Variants in RCC1L observed in about 807,000 individuals in gnomAD.
RCC1L encodes RCC1 like, also known as RCC1-like G exchanging factor-like protein.
A neutral mutation model predicts 58.6 loss-of-function variants in RCC1L; 46 were observed. The ratio of observed to expected loss-of-function variants is 0.79; its 90% CI spans 0.62 to 1.00. The LOEUF (loss-of-function observed/expected upper bound fraction) is 1.00, where lower values mean the gene tolerates loss of function less well. Among genes scored for constraint, RCC1L ranks in the 50% least tolerant of loss-of-function variants. The pLI, the probability that RCC1L is intolerant of heterozygous loss-of-function variation, is 0.00. For missense variants in RCC1L, 636 were observed against 623.6 expected, an observed-to-expected ratio of 1.02 and a Z score of -0.21; for synonymous variants, 281 against 262.9, an observed-to-expected ratio of 1.07 and a Z score of -0.67.
rs1015847268 is a variant in RCC1L at position 75,028,023 on chromosome 7, C to T, written c.*9G>A. ...CCTTACCTGTTTGCCGTCCATCCCC[C>T]GGAGGTAATCAGAGGAGTGGGCCTG... On this transcript the variant is annotated 3_prime_UTR_variant, in exon 11 of 11. Coordinates refer to the RCC1L transcript ENST00000614461. 1,936 of 1,534,804 alleles carry T rather than the reference C, an allele frequency of 1.3e-3. 12 individuals are homozygous for T. The African/African-American group carries it at 0.021, about 17-fold the overall frequency.
At chr7:75,066,280 T>C (rs1806479756) in intron 3 of RCC1L, among the ~76,000 whole-genome samples, 1 of 151,472 alleles carries the variant, frequency 6.6e-6, no homozygotes, top group African/African-American at 2.4e-5. Context: ...TGAAACCCCG[T>C]CTCTACTAAA....
chr7:75,038,253 GTTGT>G (rs1185370081), downstream of RCC1L, among the ~76,000 whole-genome samples: 52 of 152,230 alleles, frequency 3.4e-4, no homozygotes, highest in South Asian at 8.1e-3. Flanking sequence ...CCCCAGAACA[GTTGT>G]TTGTTTGTTT....
intron 4 of RCC1L, among the ~76,000 whole-genome samples, chr7:75,064,086 C>T (rs1027568595): frequency 6.6e-6 from 1 of 152,142 alleles, no homozygotes; most frequent in Non-Finnish European, 1.5e-5. Context: ...AATCCCAGCA[C>T]TTTGGGAGGC....
downstream of RCC1L, among the ~76,000 whole-genome samples, chr7:75,040,824 C>T (rs1805537709): frequency 6.6e-6 from 1 of 152,172 alleles, no homozygotes; most frequent in Non-Finnish European, 1.5e-5. Context: ...GGGTTCGCAG[C>T]CCAGGTGAAG....
At chr7:75,030,883 C>T (rs933357326) in intron 10 of RCC1L, among the ~76,000 whole-genome samples, 4 of 152,122 alleles carry the variant, frequency 2.6e-5, no homozygotes, top group Non-Finnish European at 5.9e-5. Flanking sequence ...TTTGTGGGGG[C>T]CGGCACTCCC....
At chr7:75,063,094 G>A (rs993893636) in intron 5 of RCC1L, among the ~76,000 whole-genome samples, 198 bp downstream of exon 5, 2 of 152,008 alleles carry the variant, frequency 1.3e-5, no homozygotes, top group African/African-American at 4.8e-5. Context: ...CACCACACCC[G>A]GCCCCAAAAT....
chr7:75,041,506 A>T (rs868971292), downstream of RCC1L, among the ~76,000 whole-genome samples: 6 of 152,138 alleles, frequency 3.9e-5, no homozygotes, highest in Middle Eastern at 3.2e-3. Flanking sequence ...AGCCTGTGAC[A>T]TGAGTACCAA....
downstream of RCC1L, among the ~76,000 whole-genome samples, chr7:75,040,940 G>A (rs892667973): frequency 4.6e-5 from 7 of 152,180 alleles, no homozygotes; most frequent in South Asian, 4.2e-4. Flanking sequence ...GCTCTAGGCC[G>A]GGCACGGTGG....
rs1806501888 is a variant in RCC1L, at chr7:75,066,714, T to G, written c.533A>C (p.Gln178Pro). 6.2e-7 allele frequency: 1 copy of G among 1,613,544 alleles called. No homozygotes were observed. Among genetic ancestry groups the G allele is most frequent in the Non-Finnish European group, 8.5e-7 (1 of 1,179,702 alleles). Reference sequence around the variant, plus strand: ...AGAGTGAGCTCGGCCGCAGGAGACCTGCAGCACCCGTGTCTCCTGAGGTCT... The same window carrying G: ...AGAGTGAGCTCGGCCGCAGGAGACCGGCAGCACCCGTGTCTCCTGAGGTCT... ...LDRPQETRVL[Q>P]VSCGRAHSLV... is the part of the protein sequence containing the mutation. Residue 178 changes from glutamine to proline, a missense_variant, in exon 3 of 11, where the codon CAG (glutamine) becomes CCG (proline). Transcript: ENST00000610322.
At chr7:75,056,822 G>C in intron 8 of RCC1L, 2 of 1,220,270 alleles carry the variant, frequency 1.6e-6, no homozygotes, top group South Asian at 2.6e-5. Context: ...CATGGCCATA[G>C]TCCCTTCCTT....
intron 10 of RCC1L, among the ~76,000 whole-genome samples, chr7:75,049,218 G>A (rs1429625131): frequency 4.6e-5 from 7 of 152,068 alleles, no homozygotes; most frequent in Admixed American, 1.3e-4. Flanking sequence ...AAAGAATAAA[G>A]ATCACCCAAG....
chr7:75,057,764 T>A, intron 7 of RCC1L, 148 bp from the exon 8 acceptor site: 1 of 770,576 alleles, frequency 1.3e-6, no homozygotes, highest in Non-Finnish European at 2.3e-6. Flanking sequence ...AGCATCATAC[T>A]AGGTGCTGGG....
Position 75,061,951 on chromosome 7 carries a change from G to T in RCC1L, c.703-660C>A, listed in dbSNP as rs942192019. On this transcript the variant is annotated intron_variant, in intron 5 of 10. Transcript: ENST00000610322. ...TCCTGTAATCCCAACACGTTGAGAGGCCAAGGCAGGTGGATCACTTGAGGT... is the reference window on the plus strand; with the variant it reads ...TCCTGTAATCCCAACACGTTGAGAGTCCAAGGCAGGTGGATCACTTGAGGT... Among the ~76,000 whole-genome samples the T allele has an allele frequency of 7.9e-4, 120 of 152,170 alleles. 2 individuals are homozygous for T. Among genetic ancestry groups the T allele is most frequent in the Non-Finnish European group, 1.9e-4 (13 of 68,038 alleles).
At chr7:75,055,276 A>G (rs1806039251) in intron 9 of RCC1L, among the ~76,000 whole-genome samples, 4 of 152,176 alleles carry the variant, frequency 2.6e-5, no homozygotes, top group Admixed American at 2.0e-4. Context: ...GGAGTAAGAG[A>G]TGTAACCAAG....
intron 3 of RCC1L, among the ~76,000 whole-genome samples, chr7:75,065,740 G>A (rs782258268): frequency 6.6e-6 from 1 of 152,044 alleles, no homozygotes; most frequent in Admixed American, 6.6e-5. Flanking sequence ...ACTTCCGGCC[G>A]GGCATAGTGG....
intron 10 of RCC1L, among the ~76,000 whole-genome samples, chr7:75,051,532 C>T (rs2072224168): frequency 6.6e-6 from 1 of 151,976 alleles, no homozygotes; most frequent in Non-Finnish European, 1.5e-5. Context: ...CCTGCCTCAG[C>T]CTCCCAAGTA....
At chr7:75,028,196 C>A in intron 10 of RCC1L, 1 of 934,570 alleles carries the variant, frequency 1.1e-6, no homozygotes, top group South Asian at 1.8e-5. Flanking sequence ...CAGCTCACTG[C>A]AGCAACCTCC....
chr7:75,039,796 C>T (rs1478615011), downstream of RCC1L, among the ~76,000 whole-genome samples: 1 of 152,150 alleles, frequency 6.6e-6, no homozygotes, highest in Non-Finnish European at 1.5e-5. Flanking sequence ...TCGCGGGTGC[C>T]ATTCACGTGC....
chr7:75,071,103 G>A (rs782337180), intron 1 of RCC1L, among the ~76,000 whole-genome samples: 3 of 152,082 alleles, frequency 2.0e-5, no homozygotes, highest in Non-Finnish European at 2.9e-5. Context: ...TGATCTGTCC[G>A]CCTTGGCTTC....
Sources: allele counts gnomAD v4.1 joint callset (sites outside exome capture counted in the v4.1 genomes callset), GRCh38; gene constraint gnomAD v4.1.1; transcripts MANE v1.5; gene names NCBI Gene and HGNC (gene_info 2026-07-23, HGNC 2026-07-21).